The following MAP2K1 variants were observed in gnomAD, a reference collection of about 807,000 sequenced individuals.
The protein encoded by MAP2K1 is mitogen-activated protein kinase kinase 1.
Under a neutral mutation model 46.3 loss-of-function variants are expected in MAP2K1, and 16 were observed. The ratio of observed to expected loss-of-function variants is 0.35; its 90% CI spans 0.23 to 0.52. MAP2K1 has a LOEUF of 0.52. Among genes scored for constraint, MAP2K1 ranks in the 20% least tolerant of loss-of-function variants. The pLI is 0.94. For missense variants in MAP2K1, 263 were observed against 497.1 expected, an observed-to-expected ratio of 0.53 and a Z score of 4.48; for synonymous variants, 183 against 185.6, an observed-to-expected ratio of 0.99 and a Z score of 0.11.
At chr15:66,478,400 GTATATA>G (rs373049432) in intron 5 of MAP2K1, among the ~76,000 whole-genome samples, 1 of 109,130 alleles carries the variant, frequency 9.2e-6, no homozygotes, top group African/African-American at 4.2e-5. Flanking sequence ...ATATGTGTGT[GTATATA>G]TATATATACA....
chr15:66,389,455 A>G (rs778089664), intron 1 of MAP2K1, among the ~76,000 whole-genome samples: 3 of 152,210 alleles, frequency 2.0e-5, no homozygotes, highest in Non-Finnish European at 4.4e-5. Flanking sequence ...CAGGATGAGA[A>G]GAAACTACCC....
intron 5 of MAP2K1, among the ~76,000 whole-genome samples, chr15:66,448,018 T>C (rs569959843): frequency 1.4e-3 from 206 of 152,018 alleles, no homozygotes; most frequent in Admixed American, 2.7e-3. Context: ...CCAGGCGTGG[T>C]GGCACACGCC....
rs568615868 is a variant in MAP2K1 at position 66,442,503 on chromosome 15, T to A, written c.439-777T>A. Among the ~76,000 whole-genome samples the A allele has an allele frequency of 2.0e-5, 3 of 152,306 alleles. No homozygotes were observed. In the East Asian group the frequency reaches 5.8e-4, roughly 29 times the overall value. ...TCTTTTAAGTGAAGTCAGAATTACT[T>A]CTCCCTTCTTCTGCATGTCTGTATC... On this transcript the variant is annotated intron_variant, in intron 3 of 10. Transcript: ENST00000307102.
intron 1 of MAP2K1, among the ~76,000 whole-genome samples, chr15:66,405,384 A>G (rs945896758): frequency 6.6e-6 from 1 of 152,254 alleles, no homozygotes; most frequent in African/African-American, 2.4e-5. Context: ...CTCAGTGTCC[A>G]TGTGTGGCTA....
At chr15:66,467,677 C>T (rs2140643239) in intron 5 of MAP2K1, among the ~76,000 whole-genome samples, 1 of 152,304 alleles carries the variant, frequency 6.6e-6, no homozygotes, top group African/African-American at 2.4e-5. Flanking sequence ...TCTCCTGCCT[C>T]AGCTTTCTCA....
chr15:66,472,679 T>C (rs183377807), intron 5 of MAP2K1, among the ~76,000 whole-genome samples: 25 of 150,752 alleles, frequency 1.7e-4, no homozygotes, highest in Admixed American at 1.5e-3. Flanking sequence ...CTGACATCTG[T>C]CTTTAAATTG....
intron 6 of MAP2K1, 108 bp from the exon 7 acceptor site, chr15:66,484,882 C>T (rs1057027361): frequency 5.1e-6 from 5 of 977,930 alleles, no homozygotes; most frequent in Non-Finnish European, 8.2e-6. Context: ...TAGTGGAGCT[C>T]TTGAAACAGG....
At chr15:66,394,581 A>G (rs956554806) in intron 1 of MAP2K1, among the ~76,000 whole-genome samples, 4 of 150,710 alleles carry the variant, frequency 2.7e-5, no homozygotes, top group African/African-American at 4.9e-5. Flanking sequence ...TCAGCCTCCT[A>G]AGTAGCTAGT....
At chr15:66,448,721 T>C (rs1026055229) in intron 5 of MAP2K1, among the ~76,000 whole-genome samples, 2 of 152,110 alleles carry the variant, frequency 1.3e-5, no homozygotes, top group Non-Finnish European at 2.9e-5. Flanking sequence ...TAGAGACTAT[T>C]GGCTGGGCAC....
intron 5 of MAP2K1, among the ~76,000 whole-genome samples, chr15:66,465,923 T>A (rs1228721269): frequency 6.6e-6 from 1 of 152,210 alleles, no homozygotes; most frequent in African/African-American, 2.4e-5. Flanking sequence ...TAAGACTTTT[T>A]TTAAAGATAA....
intron 7 of MAP2K1, among the ~76,000 whole-genome samples, chr15:66,487,023 G>A (rs1370972152): frequency 1.3e-5 from 2 of 152,170 alleles, no homozygotes; most frequent in Non-Finnish European, 2.9e-5. Context: ...ATTTGCCAAA[G>A]GTTACGAACT....
intron 1 of MAP2K1, among the ~76,000 whole-genome samples, chr15:66,407,135 T>C (rs1325979893): frequency 6.6e-6 from 1 of 152,056 alleles, no homozygotes; most frequent in African/African-American, 2.4e-5. Context: ...TATTGTTTTG[T>C]AGTATAGGGT....
intron 1 of MAP2K1, among the ~76,000 whole-genome samples, chr15:66,396,365 G>A (rs190820896): frequency 3.1e-3 from 468 of 151,968 alleles, no homozygotes; most frequent in African/African-American, 0.01. Flanking sequence ...GGCCACCTCC[G>A]CCTCCCACAT....
intron 1 of MAP2K1, among the ~76,000 whole-genome samples, chr15:66,402,323 G>T (rs753546677): frequency 6.6e-5 from 10 of 152,170 alleles, no homozygotes; most frequent in African/African-American, 2.4e-4. Flanking sequence ...GGTATGAGGT[G>T]TATGTCTAAG....
intron 5 of MAP2K1, among the ~76,000 whole-genome samples, chr15:66,473,446 T>C (rs955045372): frequency 6.6e-6 from 1 of 152,018 alleles, no homozygotes; most frequent in Non-Finnish European, 1.5e-5. Context: ...TGGTGGCGTG[T>C]GCTGAAGTGG....
At chr15:66,441,598 G>A (rs2093503792) in intron 3 of MAP2K1, among the ~76,000 whole-genome samples, 1 of 152,132 alleles carries the variant, frequency 6.6e-6, no homozygotes. Context: ...TTCCTCCTCT[G>A]AGCATCAGTA....
chr15:66,473,352 C>T (rs1033636575), intron 5 of MAP2K1, among the ~76,000 whole-genome samples: 4 of 152,034 alleles, frequency 2.6e-5, no homozygotes, highest in Admixed American at 6.6e-5. Context: ...AGGCAGTAGG[C>T]TTGCTTGAGC....
intron 1 of MAP2K1, among the ~76,000 whole-genome samples, chr15:66,391,462 G>C (rs940279713): frequency 9.9e-5 from 15 of 152,072 alleles, no homozygotes; most frequent in African/African-American, 3.6e-4. Context: ...CTAATTTTTT[G>C]TATTTTTAGT....
intron 8 of MAP2K1, chr15:66,488,711 G>C (rs1893136942): frequency 1.1e-5 from 2 of 181,542 alleles, no homozygotes; most frequent in Non-Finnish European, 2.3e-5. Flanking sequence ...TCAGAAAAGG[G>C]ATTTTTAAAA....
Sources: allele counts gnomAD v4.1 joint callset (sites outside exome capture counted in the v4.1 genomes callset), GRCh38; gene constraint gnomAD v4.1.1; transcripts MANE v1.5; gene names NCBI Gene and HGNC (gene_info 2026-07-23, HGNC 2026-07-21).